The following MERTK variants were observed in gnomAD, a reference collection of about 807,000 sequenced individuals.
MERTK encodes the protein tyrosine-protein kinase Mer.
In MERTK, 69 loss-of-function variants were observed where a neutral mutation model predicts 99.3. That is an observed-to-expected ratio of 0.70 (90% CI 0.57 to 0.85). The LOEUF (loss-of-function observed/expected upper bound fraction) is 0.85. Among genes scored for constraint, MERTK ranks in the 40% least tolerant of loss-of-function variants. The pLI is 0.00. For synonymous variants in MERTK, 426 were observed against 467.6 expected (o/e 0.91, Z 1.15); for missense variants, 1,125 against 1,249.4 (o/e 0.90, Z 1.50).
intron 7 of MERTK, among the ~76,000 whole-genome samples, chr2:111,977,084 G>A (rs1199939026): frequency 6.6e-6 from 1 of 152,054 alleles, no homozygotes; most frequent in African/African-American, 2.4e-5. Flanking sequence ...AAAAACACAT[G>A]TTTATGCATT....
At chr2:111,984,954 A>G (rs1676447491) in intron 8 of MERTK, among the ~76,000 whole-genome samples, 1 of 152,204 alleles carries the variant, frequency 6.6e-6, no homozygotes, top group Non-Finnish European at 1.5e-5. Flanking sequence ...GGGGTATCGT[A>G]GGGGAGCATC....
chr2:111,930,795 C>G (rs151186830), intron 2 of MERTK, among the ~76,000 whole-genome samples: 1 of 152,188 alleles, frequency 6.6e-6, no homozygotes, highest in African/African-American at 2.4e-5. Context: ...ATGCTGCAGA[C>G]GGGCAGGTAG....
At chr2:111,988,501 T>C (rs966170844) in intron 8 of MERTK, among the ~76,000 whole-genome samples, 1 of 152,196 alleles carries the variant, frequency 6.6e-6, no homozygotes, top group African/African-American at 2.4e-5. Context: ...AGCTCAATTC[T>C]GTAAGAAGGT....
At chr2:111,906,944 G>A (rs1684147893) in intron 1 of MERTK, among the ~76,000 whole-genome samples, 2 of 152,132 alleles carry the variant, frequency 1.3e-5, no homozygotes, top group Admixed American at 1.3e-4. Context: ...CTTTGGGGCA[G>A]AACACTGATT....
chr2:112,028,857 T>C lies in MERTK; in HGVS notation c.2993T>C (p.Leu998Pro), dbSNP rs771013485. 3 of 1,613,764 alleles carry C rather than the reference T, an allele frequency of 1.9e-6. No homozygotes were observed. The East Asian group carries it at 6.7e-5, about 36-fold the overall frequency. The change falls in exon 19 of 19, where the codon CTG (leucine) becomes CCG (proline). Residue 998 changes from leucine to proline, a missense_variant. Physicochemically the swap from Leu to Pro is moderately conservative, Grantham distance 98 (BLOSUM62 -3). Coordinates refer to ENST00000295408, the MANE Select transcript of MERTK (RefSeq NM_006343.3). ...ADDSSEGSEVLM is the reference protein window; with the variant it reads ...ADDSSEGSEVPM ...GACTCCTCAGAAGGCTCAGAAGTCC[T>C]GATGTGAGGAGAGGTGCGGGGAGAC...
chr2:111,914,755 T>G (rs1338714530), intron 1 of MERTK, among the ~76,000 whole-genome samples: 1 of 152,234 alleles, frequency 6.6e-6, no homozygotes, highest in Non-Finnish European at 1.5e-5. Context: ...TCCACTTGAT[T>G]GTGGTATATA....
Position 112,022,250 on chromosome 2 carries a change from G to C in MERTK, c.2350-8G>C. ...TTGCATCCTAACTTGTTGTTGCTTT[G>C]TTCCCAGTGGGCATTTGGCGTGACC... On this transcript the variant is annotated splice_region_variant and splice_polypyrimidine_tract_variant and intron_variant, in intron 17 of 18. Transcript: ENST00000295408. 6.2e-7 allele frequency: 1 copy of C among 1,614,212 alleles called. No homozygotes were observed. The highest frequency in any genetic ancestry group is 8.5e-7 in the Non-Finnish European group (1 of 1,180,040).
At chr2:111,902,133 C>T (rs1684055622) in intron 1 of MERTK, among the ~76,000 whole-genome samples, 1 of 152,220 alleles carries the variant, frequency 6.6e-6, no homozygotes, top group Non-Finnish European at 1.5e-5. Context: ...GATCTGCCTG[C>T]CTTGGCCTCC....
intron 4 of MERTK, among the ~76,000 whole-genome samples, chr2:111,950,719 C>T (rs185223148): frequency 2.0e-5 from 3 of 152,274 alleles, no homozygotes; most frequent in South Asian, 2.1e-4. Flanking sequence ...TCAGTCATGT[C>T]TCTTTTTTGG....
At position 112,029,211 on chromosome 2, in the gene MERTK, A is replaced by G. The variant is rs1302991073; in HGVS notation, c.*347A>G. 1.6e-5 allele frequency: 16 copies of G among 1,003,214 alleles called. No homozygotes were observed. Among genetic ancestry groups the G allele is most frequent in the African/African-American group, 1.2e-4 (7 of 57,484 alleles). 62.1% of individuals were successfully genotyped at this position (1,003,214 alleles called of 1,614,324 possible). A position where few individuals can be genotyped will look rare whatever the true frequency, so the allele number is the denominator to read the frequency against. ...GTTTTTTCAAGTTCTTTTCTTTTTCATGACTATTAAATGTAAAAATATTTG... is the reference window on the plus strand; with the variant it reads ...GTTTTTTCAAGTTCTTTTCTTTTTCGTGACTATTAAATGTAAAAATATTTG... On this transcript the variant is annotated 3_prime_UTR_variant, in exon 19 of 19. Coordinates refer to ENST00000295408, the MANE Select transcript of MERTK (RefSeq NM_006343.3).
At chr2:111,932,205 G>A (rs6711502) in intron 2 of MERTK, among the ~76,000 whole-genome samples, 2,613 of 152,074 alleles carry the variant, frequency 0.017, 67 homozygotes, top group African/African-American at 0.059. Context: ...TTTTTGAGAC[G>A]GAGTCTTGCT....
chr2:112,010,067 G>T lies in MERTK; in HGVS notation c.2079+1G>T. The T allele has an allele frequency of 6.3e-7, 1 of 1,593,098 alleles. No individual in the cohort carries two copies. The highest frequency in any genetic ancestry group is 2.2e-5 in the East Asian group (1 of 44,738). On this transcript the variant is annotated splice_donor_variant, in intron 15 of 18. Transcript: ENST00000295408. LOFTEE classifies it high-confidence loss of function. ...TTCCCGATTGGAGACAGGACCAAAG[G>T]TAATGATCTCCTTGTGTTACCCCTG...
intron 4 of MERTK, among the ~76,000 whole-genome samples, chr2:111,949,432 G>A (rs1389829751): frequency 1.3e-5 from 2 of 152,076 alleles, no homozygotes; most frequent in Non-Finnish European, 2.9e-5. Context: ...TTTCTAACCC[G>A]TGACTTCAGG....
chr2:111,918,038 A>G (rs1030123050), intron 1 of MERTK, among the ~76,000 whole-genome samples: 15 of 152,150 alleles, frequency 9.9e-5, no homozygotes, highest in Non-Finnish European at 2.1e-4. Context: ...CTCTGTAACC[A>G]TTAAACACTA....
At position 112,010,046 on chromosome 2, in the gene MERTK, C is replaced by A; in HGVS notation, c.2059C>A (p.Arg687=). ...GDLHTYLLYS[R]LETGPKHIPL... is the part of the protein sequence containing the mutation. ...CCTGCATACTTACTTACTTTATTCC[C>A]GATTGGAGACAGGACCAAAGGTAAT... is the stretch of plus-strand genomic sequence containing the variant. Residue 687 remains arginine (R), a synonymous_variant, in exon 15 of 19, where the codon CGA becomes AGA. Coordinates refer to ENST00000295408, the MANE Select transcript of MERTK (RefSeq NM_006343.3). 1 of 1,610,870 alleles carries A rather than the reference C, an allele frequency of 6.2e-7. No homozygotes were observed. The highest frequency in any genetic ancestry group is 8.5e-7 in the Non-Finnish European group (1 of 1,177,158).
chr2:111,955,120 C>T (rs1196929663), intron 4 of MERTK, among the ~76,000 whole-genome samples: 2 of 151,976 alleles, frequency 1.3e-5, no homozygotes, highest in African/African-American at 4.8e-5. Flanking sequence ...TAAACTTTGC[C>T]GACCCCTTCT....
intron 16 of MERTK, 72 bp downstream of exon 16, chr2:112,019,594 AC>A: frequency 8.7e-7 from 1 of 1,155,574 alleles, no homozygotes; most frequent in South Asian, 1.2e-5. Context: ...TAGTGAGAGG[AC>A]CTGTTCCTGT....
Position 112,026,940 on chromosome 2 carries a change from A to C in MERTK, c.2487-1411A>C, listed in dbSNP as rs192639123. Reference sequence around the variant, plus strand: ...GGGTCAGATGATTTAAATTTGGGTCATTTTTTTGTCCAATGACGTATGAAT... The same window carrying C: ...GGGTCAGATGATTTAAATTTGGGTCCTTTTTTTGTCCAATGACGTATGAAT... On this transcript the variant is annotated intron_variant, in intron 18 of 18. Transcript: ENST00000295408. Among the ~76,000 whole-genome samples the C allele has an allele frequency of 2.9e-3, 442 of 151,956 alleles. 3 individuals carry two copies. The highest frequency in any genetic ancestry group is 9.8e-3 in the African/African-American group (407 of 41,336).
chr2:112,003,770 G>C, intron 12 of MERTK, 134 bp from the exon 13 acceptor site: 1 of 785,826 alleles, frequency 1.3e-6, no homozygotes, highest in Non-Finnish European at 2.2e-6. Flanking sequence ...GGGTGGCCTG[G>C]GCAGGCTCTG....
Sources: allele counts gnomAD v4.1 joint callset (sites outside exome capture counted in the v4.1 genomes callset), GRCh38; gene constraint gnomAD v4.1.1; transcripts MANE v1.5; gene names NCBI Gene and HGNC (gene_info 2026-07-23, HGNC 2026-07-21).